Variants in PDCD6 observed in about 807,000 individuals in gnomAD.
PDCD6 encodes programmed cell death 6, also known as programmed cell death protein 6.
A neutral mutation model predicts 28.3 loss-of-function variants in PDCD6; 12 were observed. The ratio of observed to expected loss-of-function variants is 0.42; its 90% confidence interval spans 0.27 to 0.69. The LOEUF is 0.69. Among genes scored for constraint, PDCD6 ranks in the 30% least tolerant of loss-of-function variants. The probability of loss-of-function intolerance (pLI) is 0.22; values close to 1 mark genes in which losing one functional copy is unlikely to be tolerated. For synonymous variants in PDCD6, 92 were observed against 108.0 expected (o/e 0.85, Z 0.92); for missense variants, 226 against 269.9 (o/e 0.84, Z 1.14).
At chr5:302,465 GGAGGGCGGGTCATGGAGTGCTGCTGC>G (rs1391585882) in intron 2 of PDCD6, among the ~76,000 whole-genome samples, 1,276 of 112,236 alleles carry the variant, frequency 0.011, 130 homozygotes, top group African/African-American at 0.053. Flanking sequence ...CATAACTGCT[GGAGGGCGGGTCATGGAGTGCTGCTGC>G]TGTGTGTGTG....
In PDCD6 at chr5:311,321, C is replaced by T. The variant is rs376242079; in HGVS notation, c.396C>T (p.Asp132=). Residue 132 remains aspartate (D), a synonymous_variant, in exon 5 of 6, where the codon GAC becomes GAT. Transcript: ENST00000264933. ...FGYRLSDQFH[D]ILIRKFDRQG... ...ACCGGCTCTCTGACCAGTTCCACGACATCCTCATTCGAAAGTTTGACAGGC... is the reference window on the plus strand; with the variant it reads ...ACCGGCTCTCTGACCAGTTCCACGATATCCTCATTCGAAAGTTTGACAGGC... 176 of 1,614,004 alleles carry T rather than the reference C, an allele frequency of 1.1e-4. No individual in the cohort carries two copies. Among genetic ancestry groups the T allele is most frequent in the Non-Finnish European group, 1.3e-4 (159 of 1,180,002 alleles).
intron 2 of PDCD6, among the ~76,000 whole-genome samples, chr5:302,384 G>T (rs13159402): frequency 1.0e-5 from 1 of 98,196 alleles, no homozygotes; most frequent in Non-Finnish European, 1.9e-5. Flanking sequence ...GGTGGGTCGT[G>T]GAGTGCTGCT....
intron 2 of PDCD6, among the ~76,000 whole-genome samples, chr5:292,538 C>T (rs1451494645): frequency 1.3e-5 from 2 of 152,220 alleles, no homozygotes; most frequent in Non-Finnish European, 1.5e-5. Flanking sequence ...GGATTACAGG[C>T]ATGAGCCACC....
Position 284,321 on chromosome 5 carries a change from A to C in PDCD6, c.163+11549A>C, listed in dbSNP as rs559305223. ...AGACTTGAGGAGGAGCTGATGTTCT[A>C]GCTTGAGGGTCGTTCAGCTGAAGAC... On this transcript the variant is annotated intron_variant, in intron 2 of 5. Transcript: ENST00000264933. Among the ~76,000 whole-genome samples, 9 of 151,988 alleles carry C rather than the reference A, an allele frequency of 5.9e-5. No homozygotes were observed. In the South Asian group the frequency reaches 1.9e-3, roughly 32 times the overall value.
At chr5:287,825 A>G (rs922478445) in intron 2 of PDCD6, among the ~76,000 whole-genome samples, 2 of 152,214 alleles carry the variant, frequency 1.3e-5, no homozygotes. Context: ...GTTTCATACC[A>G]TTGACACTTG....
At chr5:308,780 C>T (rs1329236306) in intron 4 of PDCD6, 1 of 152,208 alleles carries the variant, frequency 6.6e-6, no homozygotes, top group African/African-American at 2.4e-5. Context: ...TGCGAGATTT[C>T]TCCCCGGGTG....
chr5:306,476 C>A, intron 3 of PDCD6, 126 bp from the exon 4 acceptor site: 4 of 800,112 alleles, frequency 5.0e-6, no homozygotes, highest in Non-Finnish European at 8.5e-6. Flanking sequence ...CATGCATTGC[C>A]CAGTCCCTGG....
rs1365527132 is a variant in PDCD6, at chr5:308,172, G to A, written c.367+1412G>A. On this transcript the variant is annotated intron_variant, in intron 4 of 5. Coordinates refer to ENST00000264933, the MANE Select transcript of PDCD6 (RefSeq NM_013232.4). Reference sequence around the variant, plus strand: ...CAGGACCGGCCTGAAGTTATTTTTAGATAAGCGACCTCTGGCGCCACGGAC... The same window carrying A: ...CAGGACCGGCCTGAAGTTATTTTTAAATAAGCGACCTCTGGCGCCACGGAC... The A allele has an allele frequency of 2.0e-5, 3 of 152,242 alleles. No homozygotes were observed. The East Asian group carries it at 5.8e-4, about 29-fold the overall frequency. The allele number at this position is 152,242 out of a possible 1,614,324, so 9.4% of individuals were successfully genotyped here. A position where few individuals can be genotyped will look rare whatever the true frequency, so the allele number is the denominator to read the frequency against.
At chr5:284,827 G>A (rs114128445) in intron 2 of PDCD6, among the ~76,000 whole-genome samples, 329 of 151,732 alleles carry the variant, frequency 2.2e-3, no homozygotes, top group African/African-American at 7.4e-3. Flanking sequence ...GGAGACCCGG[G>A]GGGGAGAAGA....
chr5:295,307 A>G (rs1739543066), intron 2 of PDCD6, among the ~76,000 whole-genome samples: 3 of 152,210 alleles, frequency 2.0e-5, no homozygotes, highest in Admixed American at 2.0e-4. Flanking sequence ...AGGCTTGGCA[A>G]TCCCAGAGGG....
rs560947751 is a variant in PDCD6, at chr5:287,179, T to G, written c.163+14407T>G. ...GGAGGAGTAGGTACTGCCACTGATG[T>G]CTTAGGTTTTGGAGCTGGAGACCTG... On this transcript the variant is annotated intron_variant, in intron 2 of 5. Transcript: ENST00000264933. Among the ~76,000 whole-genome samples the G allele has an allele frequency of 2.0e-5, 3 of 152,192 alleles. No individual in the cohort carries two copies. In the South Asian group the frequency reaches 6.2e-4, roughly 32 times the overall value.
At chr5:291,689 T>A (rs1242666104) in intron 2 of PDCD6, among the ~76,000 whole-genome samples, 1 of 151,556 alleles carries the variant, frequency 6.6e-6, no homozygotes, top group Non-Finnish European at 1.5e-5. Context: ...TGCTGCGTGA[T>A]CTCCCGTCTC....
Position 314,797 on chromosome 5 carries a change from T to G in PDCD6, c.*282T>G. The G allele has an allele frequency of 2.0e-6, 1 of 504,846 alleles. No individual in the cohort carries two copies. Among genetic ancestry groups the G allele is most frequent in the South Asian group, 2.0e-5 (1 of 50,690 alleles). The allele number at this position is 504,846 out of a possible 1,614,324, so 31.3% of individuals were successfully genotyped here. A position where few individuals can be genotyped will look rare whatever the true frequency, so the allele number is the denominator to read the frequency against. Reference sequence around the variant, plus strand: ...ATTCTGCTTGCAAAAAAATCTATCATGTGCTTTTCTAGATGTCTCTGGTTC... The same window carrying G: ...ATTCTGCTTGCAAAAAAATCTATCAGGTGCTTTTCTAGATGTCTCTGGTTC... On this transcript the variant is annotated 3_prime_UTR_variant, in exon 6 of 6. Transcript: ENST00000264933.
chr5:288,291 AT>A (rs201542515), intron 2 of PDCD6, among the ~76,000 whole-genome samples: 160 of 83,552 alleles, frequency 1.9e-3, no homozygotes, highest in African/African-American at 7.1e-3. Context: ...TAATATATAT[AT>A]TATATATATA....
At chr5:298,695 C>G (rs1739779643) in intron 2 of PDCD6, among the ~76,000 whole-genome samples, 1 of 126,418 alleles carries the variant, frequency 7.9e-6, no homozygotes, top group Non-Finnish European at 1.7e-5. Flanking sequence ...CTCAGCTGCT[C>G]CCACTCAGCT....
intron 2 of PDCD6, among the ~76,000 whole-genome samples, chr5:279,334 C>T: frequency 6.6e-6 from 1 of 152,112 alleles, no homozygotes; most frequent in East Asian, 1.9e-4. Flanking sequence ...AAGCAGAAGC[C>T]TGGAATGTGT....
chr5:285,903 G>A (rs1317476649), intron 2 of PDCD6, among the ~76,000 whole-genome samples: 1 of 150,422 alleles, frequency 6.6e-6, no homozygotes, highest in Non-Finnish European at 1.5e-5. Flanking sequence ...GAGACCCAGG[G>A]GTGAGCTGAT....
chr5:289,305 G>A (rs558027934), intron 2 of PDCD6: 517 of 529,300 alleles, frequency 9.8e-4, no homozygotes, highest in Non-Finnish European at 1.4e-3. Flanking sequence ...GCCCAATGTC[G>A]GCATTACAAG....
At chr5:278,017 C>T (rs532759023) in intron 2 of PDCD6, among the ~76,000 whole-genome samples, 8 of 152,084 alleles carry the variant, frequency 5.3e-5, no homozygotes, top group Non-Finnish European at 1.2e-4. Context: ...CTAGATGAGT[C>T]CCTTCTCCAG....
Sources: allele counts gnomAD v4.1 joint callset (sites outside exome capture counted in the v4.1 genomes callset), GRCh38; gene constraint gnomAD v4.1.1; transcripts MANE v1.5; gene names NCBI Gene and HGNC (gene_info 2026-07-23, HGNC 2026-07-21).